The following POLR1F variants were observed in gnomAD, a reference collection of about 807,000 sequenced individuals.
POLR1F encodes DNA-directed RNA polymerase I subunit RPA43.
POLR1F carries 23 observed loss-of-function variants against 21.8 expected under a neutral mutation model. The observed-to-expected ratio is 1.05, with a 90% CI of 0.76 to 1.49. POLR1F has a LOEUF of 1.49. Ranked by LOEUF, POLR1F falls within the 40% of genes most tolerant of loss-of-function variation. POLR1F has a pLI of 0.00. For synonymous variants in POLR1F, 162 were observed against 152.8 expected, an observed-to-expected ratio of 1.06 and a Z score of -0.45; for missense variants, 435 against 412.1, an observed-to-expected ratio of 1.06 and a Z score of -0.48.
chr7:19,700,596 A>G (rs1783435725), intron 2 of POLR1F, among the ~76,000 whole-genome samples: 1 of 152,166 alleles, frequency 6.6e-6, no homozygotes, highest in Admixed American at 6.5e-5. Context: ...CAAGAAAAAA[A>G]ACCATCTCAA....
Position 19,695,866 on chromosome 7 carries a change from A to C in POLR1F, c.*2450T>G, listed in dbSNP as rs1783355815. 6.6e-6 allele frequency: 1 copy of C among 152,168 alleles called. No individual in the cohort carries two copies. Among genetic ancestry groups the C allele is most frequent in the Non-Finnish European group, 1.5e-5 (1 of 67,980 alleles). 9.4% of individuals were successfully genotyped at this position (152,168 alleles called of 1,614,324 possible). Reference sequence around the variant, plus strand: ...AGGGTCAAAATGCTGCTCTTCCAACAACAAGCTTAAACACTAAACGTAAAG... The same window carrying C: ...AGGGTCAAAATGCTGCTCTTCCAACCACAAGCTTAAACACTAAACGTAAAG... On this transcript the variant is annotated 3_prime_UTR_variant, in exon 4 of 4. Transcript: ENST00000222567.
chr7:19,698,646 CTTCTTTTTA>C lies in POLR1F; in HGVS notation c.678_686del (p.Lys231_Lys233del), dbSNP rs759030662. The C allele has an allele frequency of 1.9e-6, 3 of 1,594,962 alleles. No individual in the cohort carries two copies. The highest frequency in any genetic ancestry group is 2.2e-5 in the East Asian group (1 of 44,488). The stretch of plus-strand genomic sequence containing the variant: ...ATGTCTCTGGGTCTTTCTTCTTTTT[CTTCTTTTTA>C]GGTTTTTTAGCAGCTTCCTCAGTGC... On this transcript the variant is annotated inframe_deletion, in exon 4 of 4. Coordinates refer to ENST00000222567, the MANE Select transcript of POLR1F (RefSeq NM_001002926.2).
Position 19,704,679 on chromosome 7 carries a change from A to G in POLR1F, c.396+100T>C. 14 of 1,078,752 alleles carry G rather than the reference A, an allele frequency of 1.3e-5. 1 individual carries two copies. Among genetic ancestry groups the G allele is most frequent in the Non-Finnish European group, 1.3e-6 (1 of 765,994 alleles). 66.8% of individuals were successfully genotyped at this position (1,078,752 alleles called of 1,614,324 possible). A position where few individuals can be genotyped will look rare whatever the true frequency, so the allele number is the denominator to read the frequency against. On this transcript the variant is annotated intron_variant, in intron 2 of 3. Transcript: ENST00000222567. The stretch of plus-strand genomic sequence containing the variant: ...TAATATTTATTTACTCACAATAGCA[A>G]TTTATTTGAGTCCCAAGGTATATAT...
At position 19,708,987 on chromosome 7, in the gene POLR1F, C is replaced by G; in HGVS notation, c.30G>C (p.Arg10=). 2 of 1,595,016 alleles carry G rather than the reference C, an allele frequency of 1.3e-6. No individual in the cohort carries two copies. The highest frequency in any genetic ancestry group is 1.7e-6 in the Non-Finnish European group (2 of 1,169,128). Residue 10 remains arginine, a synonymous_variant, in exon 1 of 4, where the codon CGG becomes CGC. Transcript: ENST00000222567. MAAGCSEAP[R]PAAASDGSLV... ...GAGACCCATCAGAAGCCGCCGCTGG[C>G]CGCGGCGCCTCTGAGCAACCTGCAG...
chr7:19,701,724 G>A (rs1239931392), intron 2 of POLR1F, among the ~76,000 whole-genome samples: 1 of 152,140 alleles, frequency 6.6e-6, no homozygotes, highest in African/African-American at 2.4e-5. Context: ...GGCCTCTGGG[G>A]GGGCAGGGAT....
At chr7:19,708,498 T>A (rs1562597683) in intron 1 of POLR1F, among the ~76,000 whole-genome samples, 1 of 152,194 alleles carries the variant, frequency 6.6e-6, no homozygotes. Context: ...ACACCAGGGT[T>A]CTGGAGCAAG....
chr7:19,699,391 CAGACTT>C (rs1325714645), intron 3 of POLR1F, among the ~76,000 whole-genome samples: 1 of 152,136 alleles, frequency 6.6e-6, no homozygotes, highest in Non-Finnish European at 1.5e-5. Flanking sequence ...GTTCCTCAGT[CAGACTT>C]AGTCATATTT....
At chr7:19,704,753 G>A (rs1783494526) in intron 2 of POLR1F, 26 bp downstream of exon 2, 2 of 1,563,654 alleles carry the variant, frequency 1.3e-6, no homozygotes, top group Admixed American at 4.3e-5. Context: ...TATACAAAGG[G>A]AGCTAGAAAA....
At chr7:19,706,983 T>C (rs923176228) in intron 1 of POLR1F, among the ~76,000 whole-genome samples, 2 of 152,210 alleles carry the variant, frequency 1.3e-5, no homozygotes, top group Non-Finnish European at 2.9e-5. Context: ...TCCAGATCTG[T>C]TCAGAGCCAC....
intron 2 of POLR1F, among the ~76,000 whole-genome samples, chr7:19,702,829 A>G (rs1463451985): frequency 6.6e-6 from 1 of 152,222 alleles, no homozygotes; most frequent in East Asian, 1.9e-4. Context: ...AACCATAATG[A>G]GATACTACTA....
chr7:19,698,316 C>G lies in POLR1F; in HGVS notation c.1017G>C (p.Ter339TyrextTer18). The G allele has an allele frequency of 6.5e-7, 1 of 1,550,066 alleles. No individual in the cohort carries two copies. The highest frequency in any genetic ancestry group is 8.6e-7 in the Non-Finnish European group (1 of 1,157,744). The change falls in exon 4 of 4, where the codon TAG (stop) becomes TAC (tyrosine). Residue 339 changes from the stop codon to tyrosine (Y), a stop_lost. Transcript: ENST00000222567. Reference sequence around the variant, plus strand: ...AAAACTGAATCGTGTTTAAAATACACTAAAGAAAATTACTTTTCCCTTTTC... The same window carrying G: ...AAAACTGAATCGTGTTTAAAATACAGTAAAGAAAATTACTTTTCCCTTTTC... ...PKRKGKSNFL[*>Y] is the part of the protein sequence containing the mutation.
At chr7:19,700,813 A>G (rs547012896) in intron 2 of POLR1F, among the ~76,000 whole-genome samples, 65 of 152,238 alleles carry the variant, frequency 4.3e-4, no homozygotes, top group Non-Finnish European at 8.1e-4. Context: ...TTCCATTAGA[A>G]GACAGCTTAC....
At chr7:19,700,903 A>C (rs565960571) in intron 2 of POLR1F, among the ~76,000 whole-genome samples, 1 of 152,242 alleles carries the variant, frequency 6.6e-6, no homozygotes, top group Non-Finnish European at 1.5e-5. Context: ...AACTAAAACA[A>C]AAGTATGTGC....
chr7:19,704,319 T>C (rs1783487309), intron 2 of POLR1F, among the ~76,000 whole-genome samples: 1 of 152,218 alleles, frequency 6.6e-6, no homozygotes, highest in African/African-American at 2.4e-5. Flanking sequence ...TATGAAAAAC[T>C]GGAAGACCTT....
chr7:19,705,350 C>G (rs781137506), intron 1 of POLR1F: 1 of 155,420 alleles, frequency 6.4e-6, no homozygotes, highest in Non-Finnish European at 1.5e-5. Flanking sequence ...ATCAACTCTT[C>G]TTCCCTGGCC....
Position 19,708,934 on chromosome 7 carries a change from C to G in POLR1F, c.83G>C (p.Cys28Ser), listed in dbSNP as rs755074923. The change falls in exon 1 of 4, where the codon TGC (cysteine) becomes TCC (serine). Residue 28 changes from cysteine (C) to serine (S), a missense_variant. Transcript: ENST00000222567. ...SLVGQAGVLP[C>S]LELPTYAAAC... ...AGCGGCATAAGTCGGCAACTCTAGG[C>G]AAGGCAGGACGCCAGCCTGCCCTAC... The G allele has an allele frequency of 8.4e-5, 135 of 1,613,304 alleles. 1 individual carries two copies. In the South Asian group the frequency reaches 1.4e-3, roughly 17 times the overall value.
intron 1 of POLR1F, among the ~76,000 whole-genome samples, chr7:19,706,531 A>G (rs968694735): frequency 6.6e-6 from 1 of 152,202 alleles, no homozygotes; most frequent in African/African-American, 2.4e-5. Flanking sequence ...GGAAGAAAAG[A>G]GTCTGTCATG....
At chr7:19,707,311 G>A (rs2128007370) in intron 1 of POLR1F, among the ~76,000 whole-genome samples, 1 of 152,262 alleles carries the variant, frequency 6.6e-6, no homozygotes, top group Non-Finnish European at 1.5e-5. Flanking sequence ...GGGACTGAGA[G>A]GACGGAGCAC....
Position 19,698,392 on chromosome 7 carries a change from T to G in POLR1F, c.941A>C (p.Lys314Thr), listed in dbSNP as rs1783401798. 1 of 1,600,956 alleles carries G rather than the reference T, an allele frequency of 6.2e-7. No homozygotes were observed. The highest frequency in any genetic ancestry group is 2.2e-5 in the East Asian group (1 of 44,830). ...GGTAAATTCGGCCTCTTCACTGTGT[T>G]TTCTTTTCTTTTTTTTCTTTTTATG... is the stretch of plus-strand genomic sequence containing the variant. ...SDHKKKKKKR[K>T]HSEEAEFTPP... is the part of the protein sequence containing the mutation. Residue 314 changes from lysine (K) to threonine (T), a missense_variant, in exon 4 of 4, where the codon AAA becomes ACA. Physicochemically the swap from Lys to Thr is moderately conservative, Grantham distance 78. Coordinates refer to ENST00000222567, the MANE Select transcript of POLR1F (RefSeq NM_001002926.2).
Sources: allele counts gnomAD v4.1 joint callset (sites outside exome capture counted in the v4.1 genomes callset), GRCh38; gene constraint gnomAD v4.1.1; transcripts MANE v1.5; gene names NCBI Gene and HGNC (gene_info 2026-07-23, HGNC 2026-07-21).